P3H2: variants seen among roughly 807,000 people sequenced by gnomAD.
P3H2 encodes prolyl 3-hydroxylase 2, also known as leprecan-like 1.
In P3H2, 80 loss-of-function variants were observed where a neutral mutation model predicts 87.0. The ratio of observed to expected loss-of-function variants is 0.92; its 90% CI spans 0.77 to 1.11. P3H2 has a LOEUF of 1.11. P3H2 is among the 50% of genes least tolerant of loss of function. The pLI is 0.00. For synonymous variants in P3H2, 367 were observed against 359.3 expected (o/e 1.02, Z -0.24); for missense variants, 1,001 against 923.9 (o/e 1.08, Z -1.08).
chr3:190,039,189 C>CAAAAA (rs3062148), intron 1 of P3H2, among the ~76,000 whole-genome samples: 1 of 147,114 alleles, frequency 6.8e-6, no homozygotes, highest in African/African-American at 2.5e-5. Context: ...AACTCCATCT[C>CAAAAA]AAAAAAAAAA....
At chr3:189,967,242 A>G (rs547311675) in intron 13 of P3H2, among the ~76,000 whole-genome samples, 1 of 151,966 alleles carries the variant, frequency 6.6e-6, no homozygotes, top group African/African-American at 2.4e-5. Context: ...TGGATTAAAA[A>G]TTTGTTTAAA....
chr3:190,010,924 T>C (rs895177131), intron 1 of P3H2, among the ~76,000 whole-genome samples: 6 of 152,206 alleles, frequency 3.9e-5, no homozygotes, highest in African/African-American at 1.4e-4. Flanking sequence ...ATTCTAACTT[T>C]TAATCCAGTG....
At chr3:190,009,107 A>G (rs1724484921) in intron 1 of P3H2, among the ~76,000 whole-genome samples, 1 of 152,206 alleles carries the variant, frequency 6.6e-6, no homozygotes, top group South Asian at 2.1e-4. Flanking sequence ...TGAGTAAGAC[A>G]CAGAGGAAAA....
At chr3:190,040,546 C>A (rs1405110839) in intron 1 of P3H2, among the ~76,000 whole-genome samples, 1 of 152,102 alleles carries the variant, frequency 6.6e-6, no homozygotes, top group Non-Finnish European at 1.5e-5. Flanking sequence ...ATATTCATCA[C>A]CTAAGGAAGG....
intron 1 of P3H2, among the ~76,000 whole-genome samples, chr3:190,079,502 A>T (rs1291047845): frequency 1.3e-5 from 2 of 152,172 alleles, no homozygotes; most frequent in Non-Finnish European, 2.9e-5. Flanking sequence ...TTTTACTAGT[A>T]GTAGGTTATG....
At position 190,065,202 on chromosome 3, in the gene P3H2, T is replaced by C. The variant is rs76050898; in HGVS notation, c.480+55050A>G. ...TCATCCTGGGCAAAAAGTGAGACAA[T>C]ATTGTTCAGTCCTTTTGCATTAATG... On this transcript the variant is annotated intron_variant, in intron 1 of 14. Transcript: ENST00000319332. Among the ~76,000 whole-genome samples the C allele has an allele frequency of 3.3e-3, 501 of 152,270 alleles. 1 individual carries two copies. The highest frequency in any genetic ancestry group is 4.4e-3 in the South Asian group (21 of 4,816).
chr3:190,038,775 G>T (rs1346822063), intron 1 of P3H2, among the ~76,000 whole-genome samples: 1 of 152,172 alleles, frequency 6.6e-6, no homozygotes, highest in Non-Finnish European at 1.5e-5. Flanking sequence ...ATCATACACT[G>T]AATGAAACCA....
chr3:190,061,551 A>G (rs1007051), intron 1 of P3H2, among the ~76,000 whole-genome samples: 4 of 151,960 alleles, frequency 2.6e-5, no homozygotes, highest in Non-Finnish European at 4.4e-5. Context: ...TTATCAATAC[A>G]TCCTACTATA....
intron 1 of P3H2, among the ~76,000 whole-genome samples, chr3:190,011,546 C>G (rs973616): frequency 0.23 from 34,432 of 151,994 alleles, 4,158 homozygotes; most frequent in East Asian, 0.35. Context: ...AGGGAAGATA[C>G]TTTTCTGATA....
At chr3:190,105,283 T>C (rs1711787266) in intron 1 of P3H2, among the ~76,000 whole-genome samples, 1 of 152,236 alleles carries the variant, frequency 6.6e-6, no homozygotes, top group Non-Finnish European at 1.5e-5. Flanking sequence ...TTGTTTTCTG[T>C]AATTTCTGTT....
At chr3:190,087,166 C>T (rs1727239076) in intron 1 of P3H2, among the ~76,000 whole-genome samples, 1 of 152,194 alleles carries the variant, frequency 6.6e-6, no homozygotes. Flanking sequence ...TTATACCACA[C>T]CGAATTTAAC....
intron 1 of P3H2, among the ~76,000 whole-genome samples, chr3:190,045,943 A>C (rs538546682): frequency 6.6e-6 from 1 of 152,134 alleles, no homozygotes; most frequent in South Asian, 2.1e-4. Flanking sequence ...AACATGGTGA[A>C]ACCCCGTCTC....
In P3H2 at chr3:190,068,548, T is replaced by C. The variant is rs1361162994; in HGVS notation, c.480+51704A>G. 6.6e-5 allele frequency among the ~76,000 whole-genome samples: 10 copies of C among 152,192 alleles called. No individual in the cohort carries two copies. In the East Asian group the frequency reaches 1.9e-3, roughly 29 times the overall value. ...AATCAGGCTTACTCTAAATCTTTAG[T>C]GATATCAAAACTGAACAGTTACTAA... On this transcript the variant is annotated intron_variant, in intron 1 of 14. Transcript: ENST00000319332.
intron 13 of P3H2, among the ~76,000 whole-genome samples, chr3:189,966,938 T>G (rs1378402012): frequency 6.6e-6 from 1 of 152,226 alleles, no homozygotes; most frequent in Non-Finnish European, 1.5e-5. Context: ...ATTACACAAC[T>G]TCCAGATTTT....
At chr3:190,030,748 G>GA (rs1725226512) in intron 1 of P3H2, among the ~76,000 whole-genome samples, 1 of 152,080 alleles carries the variant, frequency 6.6e-6, no homozygotes, top group East Asian at 1.9e-4. Context: ...GTTAGTGAGA[G>GA]AAAATGGGAG....
intron 1 of P3H2, among the ~76,000 whole-genome samples, chr3:190,043,451 T>C (rs1174007332): frequency 2.0e-5 from 3 of 152,114 alleles, no homozygotes; most frequent in Non-Finnish European, 4.4e-5. Flanking sequence ...CTCTTTAAAC[T>C]TGTACTTTAC....
At chr3:190,004,416 T>C (rs141789476) in intron 1 of P3H2, among the ~76,000 whole-genome samples, 3,124 of 152,300 alleles carry the variant, frequency 0.021, 115 homozygotes, top group African/African-American at 0.071. Context: ...GGAGTCTCGC[T>C]CTGTCGCCCA....
intron 8 of P3H2, among the ~76,000 whole-genome samples, chr3:189,978,692 G>GA (rs895660629): frequency 3.2e-4 from 44 of 138,932 alleles, no homozygotes; most frequent in East Asian, 4.1e-4. Flanking sequence ...CTAACCAAAG[G>GA]AAAAAAAAAA....
chr3:190,012,957 C>G (rs1724639927), intron 1 of P3H2, among the ~76,000 whole-genome samples: 1 of 152,122 alleles, frequency 6.6e-6, no homozygotes, highest in Non-Finnish European at 1.5e-5. Flanking sequence ...CTATGTGCCT[C>G]CGATTGATCG....
Sources: gnomAD v4.1 joint callset for allele counts (sites outside exome capture counted in the v4.1 genomes callset) on GRCh38, gnomAD v4.1.1 for gene constraint, MANE v1.5 for transcripts, NCBI Gene and HGNC (gene_info 2026-07-23, HGNC 2026-07-21) for gene names.